ZNF117: variants seen among roughly 807,000 people sequenced by gnomAD.
ZNF117 encodes the protein zinc finger protein 117, also known as Krueppel-related zinc finger protein.
Under a neutral mutation model 41.2 loss-of-function variants are expected in ZNF117, and 37 were observed. That is an observed-to-expected ratio of 0.90 (90% CI 0.69 to 1.18). The LOEUF is 1.18. ZNF117 is among the 50% of genes most tolerant of loss of function. The pLI, the probability that ZNF117 is intolerant of heterozygous loss-of-function variation, is 0.00. For missense variants in ZNF117, 546 were observed against 557.5 expected, an observed-to-expected ratio of 0.98 and a Z score of 0.21; for synonymous variants, 186 against 186.6, an observed-to-expected ratio of 1.00 and a Z score of 0.02.
exon 3 of ZNF117, chr7:64,975,598 A>AATTC (rs1785868473): frequency 6.6e-6 from 1 of 152,138 alleles, no homozygotes. Flanking sequence ...AATAGAATGA[A>AATTC]AAGCATGAAG....
chr7:64,984,463 T>C (rs1786093625), upstream of ZNF117, among the ~76,000 whole-genome samples: 1 of 152,220 alleles, frequency 6.6e-6, no homozygotes, highest in Non-Finnish European at 1.5e-5. Flanking sequence ...TGAGTTTGCA[T>C]CATGGTGAAC....
intron 2 of ZNF117, chr7:64,981,127 C>A: frequency 2.4e-6 from 1 of 415,578 alleles, no homozygotes; most frequent in Non-Finnish European, 4.2e-6. Context: ...TCAGATTGTG[C>A]AGTCTTTTAT....
chr7:64,978,128 A>T, exon 3 of ZNF117: 1 of 1,608,758 alleles, frequency 6.2e-7, no homozygotes, highest in Non-Finnish European at 8.5e-7. Context: ...ATCAGGTAGA[A>T]GCTTTGCCAC....
rs1023202444 is a variant in ZNF117 at position 64,990,486 on chromosome 7, CG to C, written c.-736del. 5.6e-6 allele frequency: 1 copy of C among 177,442 alleles called. No homozygotes were observed. Among genetic ancestry groups the C allele is most frequent in the Admixed American group, 4.9e-5 (1 of 20,604 alleles). The allele number at this position is 177,442 out of a possible 1,614,324, so 11.0% of individuals were successfully genotyped here. A position where few individuals can be genotyped will look rare whatever the true frequency, so the allele number is the denominator to read the frequency against. Reference sequence around the variant, plus strand: ...AGGCAGGGGCAAGTCGGGTTTTTGGCGCAAAACCTGCGAGGTGAGAAAGCAG... The same window carrying C: ...AGGCAGGGGCAAGTCGGGTTTTTGGCCAAAACCTGCGAGGTGAGAAAGCAG... On this transcript the variant is annotated 5_prime_UTR_variant, in exon 1 of 4. It removes the in-frame stop codon of an upstream open reading frame in the 5' UTR. Transcript: ENST00000282869.
chr7:64,975,882 T>TTA (rs760563621), exon 3 of ZNF117: 3 of 152,222 alleles, frequency 2.0e-5, no homozygotes, highest in Non-Finnish European at 2.9e-5. Context: ...TCTTTTATAC[T>TTA]TACTGCATCT....
exon 3 of ZNF117, chr7:64,975,677 T>A (rs1584043989): frequency 6.6e-6 from 1 of 152,270 alleles, no homozygotes; most frequent in East Asian, 1.9e-4. Flanking sequence ...AAAAGTATAC[T>A]TTAAATGTAA....
exon 3 of ZNF117, chr7:64,976,787 C>G (rs1028599837): frequency 2.7e-6 from 1 of 373,448 alleles, no homozygotes; most frequent in African/African-American, 2.1e-5. Context: ...AAGGTGTTGT[C>G]AAAATCATTG....
At chr7:64,984,207 C>T (rs945223767), upstream of ZNF117, among the ~76,000 whole-genome samples, 2 of 152,132 alleles carry the variant, frequency 1.3e-5, no homozygotes, top group Non-Finnish European at 2.9e-5. Context: ...TCTCAGCTCA[C>T]TGCAGCCTCC....
rs761827482 is a variant in ZNF117, at chr7:64,978,134, G to T, written c.1437C>A (p.Gly479=). 5 of 1,609,070 alleles carry T rather than the reference G, an allele frequency of 3.1e-6. No individual in the cohort carries two copies. The South Asian group carries it at 3.3e-5, about 11-fold the overall frequency. Reference sequence around the variant, plus strand: ...GTTTTGAGGATCAGGTAGAAGCTTTGCCACATTCATCACATTTGTACTGTT... The same window carrying T: ...GTTTTGAGGATCAGGTAGAAGCTTTTCCACATTCATCACATTTGTACTGTT... The change falls in exon 3 of 3, where the codon GGC becomes GGA. Residue 479 remains glycine (G), a synonymous_variant. Transcript: ENST00000620222.
intron 1 of ZNF117, among the ~76,000 whole-genome samples, chr7:64,988,981 G>A (rs1786194552): frequency 6.6e-6 from 1 of 151,924 alleles, no homozygotes; most frequent in Non-Finnish European, 1.5e-5. Flanking sequence ...TATGCTCATG[G>A]ATAAAAAAGA....
intron 2 of ZNF117, chr7:64,981,116 G>C (rs1028531879): frequency 5.4e-6 from 2 of 368,136 alleles, no homozygotes; most frequent in African/African-American, 4.3e-5. Context: ...AAAAAAACCA[G>C]TCAGATTGTG....
At chr7:64,979,476 T>C (rs1337609968) in exon 3 of ZNF117, 1 of 1,591,482 alleles carries the variant, frequency 6.3e-7, no homozygotes. Context: ...GGTCACTTTC[T>C]GGAAAGAATC....
At chr7:64,979,744 T>C (rs3807070) in intron 2 of ZNF117, among the ~76,000 whole-genome samples, 5,597 of 152,124 alleles carry the variant, frequency 0.037, 167 homozygotes, top group East Asian at 0.15. Context: ...GAGTTACGTG[T>C]GTGCAGTGTT....
At position 64,990,973 on chromosome 7, in the gene ZNF117, T is replaced by C; in HGVS notation, c.-1222A>G. 5.3e-6 allele frequency: 2 copies of C among 376,966 alleles called. No individual in the cohort carries two copies. The allele number at this position is 376,966 out of a possible 1,614,324, so 23.4% of individuals were successfully genotyped here. On this transcript the variant is annotated 5_prime_UTR_variant, in exon 1 of 4. An upstream start codon of the reference 5' UTR is lost. Coordinates refer to the ZNF117 transcript ENST00000282869. ...TTAAGAGAAAGCATCACTATCTTCA[T>C]TTACTTCAAGAGGAAGTAGCTCTTT...
chr7:64,976,151 G>C (rs921070749), exon 3 of ZNF117: 1 of 152,004 alleles, frequency 6.6e-6, no homozygotes, highest in Non-Finnish European at 1.5e-5. Context: ...CTCTTTAAAG[G>C]CTTATATTTG....
intron 2 of ZNF117, chr7:64,980,252 T>C (rs1051445921): frequency 3.3e-5 from 5 of 152,104 alleles, no homozygotes; most frequent in African/African-American, 4.8e-5. Context: ...AGCTACATTA[T>C]AGACACTGTG....
At chr7:64,985,924 C>A (rs114258421), upstream of ZNF117, among the ~76,000 whole-genome samples, 962 of 119,412 alleles carry the variant, frequency 8.1e-3, 7 homozygotes, top group African/African-American at 0.028. Flanking sequence ...GCACTCCAGC[C>A]TGGGCAACCA....
exon 3 of ZNF117, chr7:64,977,661 C>A: frequency 2.6e-6 from 2 of 775,882 alleles, no homozygotes; most frequent in Non-Finnish European, 4.3e-6. Flanking sequence ...GGGTTTCTCT[C>A]CAGTATGAAT....
At chr7:64,989,443 T>TTATATATATATATA (rs58009024) in intron 1 of ZNF117, among the ~76,000 whole-genome samples, 2 of 49,466 alleles carry the variant, frequency 4.0e-5, no homozygotes, top group African/African-American at 7.4e-5. Context: ...GAACTTAAAA[T>TTATATATATATATA]TATATATATA....
Sources: gnomAD v4.1 joint callset for allele counts (sites outside exome capture counted in the v4.1 genomes callset) on GRCh38, gnomAD v4.1.1 for gene constraint, MANE v1.5 for transcripts, NCBI Gene and HGNC (gene_info 2026-07-23, HGNC 2026-07-21) for gene names.